WDR25: variants seen among roughly 807,000 people sequenced by gnomAD.
WDR25 encodes WD repeat domain 25.
A neutral mutation model predicts 47.7 loss-of-function variants in WDR25; 35 were observed. That is an observed-to-expected ratio of 0.73 (90% confidence interval 0.56 to 0.97). WDR25 has a LOEUF of 0.97. Among genes scored for constraint, WDR25 ranks in the 50% least tolerant of loss-of-function variants. The pLI is 0.00. For missense variants in WDR25, 634 were observed against 704.7 expected (o/e 0.90, Z 1.14); for synonymous variants, 248 against 278.9 (o/e 0.89, Z 1.10).
chr14:100,476,533 C>T (rs1472232363), intron 3 of WDR25: 1 of 152,158 alleles, frequency 6.6e-6, no homozygotes, highest in East Asian at 1.9e-4. Context: ...TGGATGTGAA[C>T]AAAGCACTAG....
intron 4 of WDR25, among the ~76,000 whole-genome samples, chr14:100,485,954 A>T (rs1409696278): frequency 1.3e-5 from 2 of 152,182 alleles, no homozygotes; most frequent in Non-Finnish European, 2.9e-5. Context: ...CTTTAAAAAA[A>T]AATCACACAT....
intron 2 of WDR25, among the ~76,000 whole-genome samples, chr14:100,415,688 G>T (rs998303473): frequency 6.6e-6 from 1 of 152,202 alleles, no homozygotes; most frequent in Admixed American, 6.5e-5. Context: ...GTGTGTACAG[G>T]TAACACCTTG....
chr14:100,507,954 C>A (rs1901172119), intron 4 of WDR25, among the ~76,000 whole-genome samples: 1 of 151,756 alleles, frequency 6.6e-6, no homozygotes, highest in Non-Finnish European at 1.5e-5. Flanking sequence ...CATTTCATAC[C>A]AAAACTTGGC....
At chr14:100,479,866 C>T (rs1900142639) in intron 3 of WDR25, among the ~76,000 whole-genome samples, 1 of 152,066 alleles carries the variant, frequency 6.6e-6, no homozygotes, top group Non-Finnish European at 1.5e-5. Flanking sequence ...ACGAACGGAG[C>T]CCTATTGTGA....
At position 100,430,239 on chromosome 14, in the gene WDR25, G is replaced by C. The variant is rs572331416; in HGVS notation, c.823-37782G>C. Among the ~76,000 whole-genome samples the C allele has an allele frequency of 1.4e-3, 215 of 151,840 alleles. 1 individual carries two copies. Among genetic ancestry groups the C allele is most frequent in the Non-Finnish European group, 2.4e-3 (163 of 67,948 alleles). ...CTGCTGGCTCTGGCTGGTATGTTGGGTATAGACTGGAGATGAGCTCCACCT... is the reference window on the plus strand; with the variant it reads ...CTGCTGGCTCTGGCTGGTATGTTGGCTATAGACTGGAGATGAGCTCCACCT... On this transcript the variant is annotated intron_variant, in intron 2 of 6. Coordinates refer to ENST00000402312, the MANE Select transcript of WDR25 (RefSeq NM_001161476.3). The surrounding 1 kb of genome is among the most constrained non-coding windows in gnomAD (Gnocchi z 4.7).
rs971823309 is a variant in WDR25, at chr14:100,481,421, A to AT, written c.971-2567dup. 13 of 1,017,878 alleles carry AT rather than the reference A, an allele frequency of 1.3e-5. No homozygotes were observed. In the African/African-American group the frequency reaches 2.0e-4, roughly 16 times the overall value. The allele number at this position is 1,017,878 out of a possible 1,614,324, so 63.1% of individuals were successfully genotyped here. The stretch of plus-strand genomic sequence containing the variant: ...GAAGGAGGGAATCCCACCTCATCCC[A>AT]TTTTTTAAGTGTAAATGCTTTTTTT... On this transcript the variant is annotated intron_variant, in intron 3 of 6. Coordinates refer to ENST00000402312, the MANE Select transcript of WDR25 (RefSeq NM_001161476.3).
chr14:100,378,018 G>A (rs941810211), intron 1 of WDR25, among the ~76,000 whole-genome samples: 4 of 152,152 alleles, frequency 2.6e-5, no homozygotes, highest in Non-Finnish European at 4.4e-5. Flanking sequence ...GTTCCACCGC[G>A]CCCTCTGCTG....
intron 4 of WDR25, among the ~76,000 whole-genome samples, chr14:100,514,782 C>T (rs1228456902): frequency 6.6e-6 from 1 of 151,958 alleles, no homozygotes; most frequent in African/African-American, 2.4e-5. Context: ...ATCTATTTTC[C>T]TACATATGTA....
At chr14:100,399,469 C>A (rs145032720) in intron 2 of WDR25, among the ~76,000 whole-genome samples, 1 of 152,064 alleles carries the variant, frequency 6.6e-6, no homozygotes, top group Non-Finnish European at 1.5e-5. Flanking sequence ...TCTCCTTTGG[C>A]CTTGCACCTG....
At chr14:100,517,705 G>T (rs1002197112) in intron 4 of WDR25, among the ~76,000 whole-genome samples, 3 of 152,164 alleles carry the variant, frequency 2.0e-5, no homozygotes, top group Non-Finnish European at 2.9e-5. Context: ...TTAGCCGGGC[G>T]TGGTGGCACG....
chr14:100,529,400 GC>G lies in WDR25; in HGVS notation c.1413+196del. On this transcript the variant is annotated intron_variant, in intron 6 of 6. Transcript: ENST00000402312. This position sits in a 1 kb window ranked among gnomAD's most constrained non-coding sequence, Gnocchi z 5.1. ...GAACCACATCTGGTCCTCACCCCAG[GC>G]CCCACGTACTGGGCAGGAAGCAGTA... The G allele has an allele frequency of 1.2e-6, 1 of 833,618 alleles. No individual in the cohort carries two copies. The allele number at this position is 833,618 out of a possible 1,614,324, so 51.6% of individuals were successfully genotyped here.
In WDR25 at chr14:100,479,417, ATT is replaced by A. The variant is rs11353115; in HGVS notation, c.971-4566_971-4565del. 6.9e-4 allele frequency among the ~76,000 whole-genome samples: 103 copies of A among 149,326 alleles called. 2 individuals carry two copies. Among genetic ancestry groups the A allele is most frequent in the Middle Eastern group, 3.5e-3 (1 of 288 alleles). ...TTCCAGGAAAGGAAAAGAAGAGTAC[ATT>A]TTTTTTTTTTAGGAATACCAGATTT... On this transcript the variant is annotated intron_variant, in intron 3 of 6. Coordinates refer to ENST00000402312, the MANE Select transcript of WDR25 (RefSeq NM_001161476.3).
At position 100,417,180 on chromosome 14, in the gene WDR25, G is replaced by T. The variant is rs559839539; in HGVS notation, c.822+35434G>T. 9.2e-5 allele frequency among the ~76,000 whole-genome samples: 14 copies of T among 152,346 alleles called. No individual in the cohort carries two copies. In the East Asian group the frequency reaches 2.7e-3, roughly 29 times the overall value. Reference sequence around the variant, plus strand: ...GCCTAGGGTTGCTGTGCTGTGTGTGGCATGGCCAGAGTCCTCCGCTCATCT... The same window carrying T: ...GCCTAGGGTTGCTGTGCTGTGTGTGTCATGGCCAGAGTCCTCCGCTCATCT... On this transcript the variant is annotated intron_variant, in intron 2 of 6. Transcript: ENST00000402312.
At position 100,502,639 on chromosome 14, in the gene WDR25, G is replaced by A. The variant is rs1900966308; in HGVS notation, c.1101+18515G>A. ...ACCACTGCATGGCCAAGTGGCCACG[G>A]CGTGGGGGAACATGAGGTCCCTCCC... On this transcript the variant is annotated intron_variant, in intron 4 of 6. Coordinates refer to ENST00000402312, the MANE Select transcript of WDR25 (RefSeq NM_001161476.3). This position sits in a 1 kb window ranked among gnomAD's most constrained non-coding sequence, Gnocchi z 4.5. Among the ~76,000 whole-genome samples the A allele has an allele frequency of 6.6e-6, 1 of 152,230 alleles. No individual in the cohort carries two copies. The highest frequency in any genetic ancestry group is 6.5e-5 in the Admixed American group (1 of 15,292).
chr14:100,461,136 C>T (rs752847957), intron 2 of WDR25, among the ~76,000 whole-genome samples: 21 of 152,212 alleles, frequency 1.4e-4, no homozygotes, highest in Admixed American at 4.6e-4. Flanking sequence ...ATTGCTTGAG[C>T]CCAGGAGTTC....
chr14:100,399,394 TC>T (rs1264409395), intron 2 of WDR25, among the ~76,000 whole-genome samples: 1 of 152,082 alleles, frequency 6.6e-6, no homozygotes, highest in Admixed American at 6.6e-5. Context: ...CTCTTGCATT[TC>T]CCCCCTTTTC....
chr14:100,516,770 G>A (rs1161957650), intron 4 of WDR25, among the ~76,000 whole-genome samples: 1 of 152,086 alleles, frequency 6.6e-6, no homozygotes, highest in Non-Finnish European at 1.5e-5. Context: ...TAAGGTGGCT[G>A]TCTTGTAGAC....
At chr14:100,510,138 C>T (rs1029308455) in intron 4 of WDR25, among the ~76,000 whole-genome samples, 11 of 151,492 alleles carry the variant, frequency 7.3e-5, no homozygotes, top group African/African-American at 2.7e-4. Flanking sequence ...GGCGTGGTGG[C>T]GTGTGTCTGT....
chr14:100,381,358 A>C lies in WDR25; in HGVS notation c.434A>C (p.Lys145Thr). 6.2e-7 allele frequency: 1 copy of C among 1,614,234 alleles called. No homozygotes were observed. Among genetic ancestry groups the C allele is most frequent in the Non-Finnish European group, 8.5e-7 (1 of 1,180,028 alleles). The stretch of plus-strand genomic sequence containing the variant: ...GTAAAACTCTCCAGGAACTTTCCCA[A>C]GTCATCTTTCCATGCTCAAAGTGAG... Reference protein sequence around the residue: ...KQVKLSRNFPKSSFHAQSESE... With the variant: ...KQVKLSRNFPTSSFHAQSESE... The change falls in exon 2 of 7, where the codon AAG becomes ACG. Residue 145 changes from lysine (K) to threonine (T), a missense_variant. Physicochemically the swap from Lys to Thr is moderately conservative, Grantham distance 78. Transcript: ENST00000402312.
Sources: gnomAD v4.1 joint callset for allele counts (sites outside exome capture counted in the v4.1 genomes callset) on GRCh38, gnomAD v4.1.1 for gene constraint, Gnocchi (gnomAD v3.1) non-coding constraint, MANE v1.5 for transcripts, NCBI Gene and HGNC (gene_info 2026-07-23, HGNC 2026-07-21) for gene names.